The following SCEL variants were observed in gnomAD, a reference collection of about 807,000 sequenced individuals.
The protein encoded by SCEL is sciellin.
Under a neutral mutation model 117.6 loss-of-function variants are expected in SCEL, and 113 were observed. That is an observed-to-expected ratio of 0.96 (90% CI 0.83 to 1.12). The LOEUF is 1.12. Among genes scored for constraint, SCEL ranks in the 50% most tolerant of loss-of-function variants. SCEL has a pLI of 0.00. For synonymous variants in SCEL, 270 were observed against 256.2 expected, an observed-to-expected ratio of 1.05 and a Z score of -0.51; for missense variants, 785 against 810.8, an observed-to-expected ratio of 0.97 and a Z score of 0.39.
chr13:77,539,301 C>T (rs949647760), intron 1 of SCEL, among the ~76,000 whole-genome samples: 1 of 150,664 alleles, frequency 6.6e-6, no homozygotes, highest in Non-Finnish European at 1.5e-5. Context: ...TAGCATATTA[C>T]ATAATGGGAC....
chr13:77,561,823 T>C (rs541388567), intron 4 of SCEL, among the ~76,000 whole-genome samples: 22 of 152,264 alleles, frequency 1.4e-4, no homozygotes, highest in South Asian at 4.1e-4. Flanking sequence ...GCGATGATGC[T>C]TGAAGGATTA....
At position 77,610,038 on chromosome 13, in the gene SCEL, GT is replaced by G. The variant is rs2088522766; in HGVS notation, c.1278-4del. 6.2e-7 allele frequency: 1 copy of G among 1,602,084 alleles called. No homozygotes were observed. ...ATCTACCACTGATCTGATTTTCTATGTTTTTAAGGGGCCAAAGTCTCGACAG... is the reference window on the plus strand; with the variant it reads ...ATCTACCACTGATCTGATTTTCTATGTTTTAAGGGGCCAAAGTCTCGACAG... On this transcript the variant is annotated splice_polypyrimidine_tract_variant and splice_region_variant and intron_variant, in intron 21 of 32. Transcript: ENST00000349847.
At chr13:77,556,781 A>G in intron 3 of SCEL, 68 bp downstream of exon 3, 1 of 1,089,782 alleles carries the variant, frequency 9.2e-7, no homozygotes, top group Admixed American at 1.8e-5. Context: ...TTGGGAAGCT[A>G]ATGCTCATCT....
At chr13:77,581,736 G>A (rs1337317140) in intron 9 of SCEL, among the ~76,000 whole-genome samples, 1 of 152,156 alleles carries the variant, frequency 6.6e-6, no homozygotes, top group Non-Finnish European at 1.5e-5. Flanking sequence ...AGTATTGCTG[G>A]AAGTTCTATC....
chr13:77,564,640 A>G (rs1309026301), intron 5 of SCEL, among the ~76,000 whole-genome samples: 1 of 152,166 alleles, frequency 6.6e-6, no homozygotes, highest in African/African-American at 2.4e-5. Context: ...TAGGCACCAT[A>G]AGTACCCAAA....
intron 11 of SCEL, among the ~76,000 whole-genome samples, chr13:77,592,510 A>C (rs192625958): frequency 1.3e-5 from 2 of 151,412 alleles, no homozygotes; most frequent in East Asian, 3.9e-4. Flanking sequence ...ATGGAACCTT[A>C]TTAACCATCT....
Position 77,555,904 on chromosome 13 carries a change from C to T in SCEL, c.29C>T (p.Ser10Phe). The T allele has an allele frequency of 2.5e-6, 4 of 1,613,500 alleles. No homozygotes were observed. The highest frequency in any genetic ancestry group is 2.5e-6 in the Non-Finnish European group (3 of 1,179,558). ...TCCAATGTTACCTTGAGAAAAATGT[C>T]TCCCACAGGAAATGGTAATGTACAT... is the stretch of plus-strand genomic sequence containing the variant. MSNVTLRKM[S>F]PTGNEMKSTT... is the part of the protein sequence containing the mutation. Residue 10 changes from serine (S) to phenylalanine (F), a missense_variant, in exon 2 of 33, where the codon TCT (serine) becomes TTT (phenylalanine). By Grantham distance (155) the Ser-to-Phe change is radical. Coordinates refer to ENST00000349847, the MANE Select transcript of SCEL (RefSeq NM_144777.3).
intron 32 of SCEL, among the ~76,000 whole-genome samples, chr13:77,643,342 T>A (rs2090650554): frequency 6.6e-6 from 1 of 152,160 alleles, no homozygotes; most frequent in Non-Finnish European, 1.5e-5. Context: ...GAGAAAAGGA[T>A]ATTGAGGACC....
chr13:77,617,489 A>G, intron 24 of SCEL, 110 bp from the exon 25 acceptor site: 2 of 616,738 alleles, frequency 3.2e-6, no homozygotes, highest in South Asian at 4.8e-5. Flanking sequence ...ATAGTTAGTC[A>G]ATACTAAAAT....
At chr13:77,556,494 ATGCTGGCCAATCAGATG>A in intron 2 of SCEL, 85 bp from the exon 3 acceptor site, 1 of 912,676 alleles carries the variant, frequency 1.1e-6, no homozygotes, top group Non-Finnish European at 1.8e-6. Flanking sequence ...GCCCAGATTG[ATGCTGGCCAATCAGATG>A]TGCCTCTCAG....
intron 19 of SCEL, among the ~76,000 whole-genome samples, chr13:77,607,437 G>A (rs1297120118): frequency 2.0e-5 from 3 of 152,166 alleles, no homozygotes; most frequent in African/African-American, 7.2e-5. Context: ...TCAGAACTCT[G>A]TAGATTTTAA....
intron 19 of SCEL, among the ~76,000 whole-genome samples, chr13:77,604,957 G>T (rs1294416624): frequency 6.6e-6 from 1 of 151,996 alleles, no homozygotes; most frequent in Non-Finnish European, 1.5e-5. Flanking sequence ...TGGGATATTT[G>T]TGTGTAGTGT....
chr13:77,576,331 T>A (rs1267525767), intron 9 of SCEL, among the ~76,000 whole-genome samples: 1 of 152,170 alleles, frequency 6.6e-6, no homozygotes, highest in Non-Finnish European at 1.5e-5. Context: ...CACACTCTGC[T>A]GGATTTTCTT....
At chr13:77,570,967 G>GAGT (rs1489330645) in intron 8 of SCEL, among the ~76,000 whole-genome samples, 1 of 151,506 alleles carries the variant, frequency 6.6e-6, no homozygotes, top group Non-Finnish European at 1.5e-5. Context: ...GAGTAGTTGG[G>GAGT]AGTACAGGCA....
At chr13:77,582,957 A>G (rs1394649850) in intron 9 of SCEL, among the ~76,000 whole-genome samples, 1 of 152,200 alleles carries the variant, frequency 6.6e-6, no homozygotes, top group Non-Finnish European at 1.5e-5. Flanking sequence ...TCTTTGAGAA[A>G]ACATCTAAGG....
chr13:77,555,800 A>C, intron 1 of SCEL, 57 bp from the exon 2 acceptor site: 1 of 1,109,034 alleles, frequency 9.0e-7, no homozygotes, highest in Non-Finnish European at 1.4e-6. Context: ...TGAAACAGTC[A>C]CTTACAGGTT....
At chr13:77,603,035 T>C in intron 17 of SCEL, 41 bp from the exon 18 acceptor site, 1 of 1,120,970 alleles carries the variant, frequency 8.9e-7, no homozygotes, top group Non-Finnish European at 1.3e-6. Context: ...TCTAATATTA[T>C]GGGAATGTTT....
At position 77,631,506 on chromosome 13, in the gene SCEL, A is replaced by C. The variant is rs375335272; in HGVS notation, c.1692-2873A>C. ...TAGTTTAGTTCATAGTATGGTACAA[A>C]TATTAATTCTGTAGGTTTGACAGCT... On this transcript the variant is annotated intron_variant, in intron 28 of 32. Coordinates refer to ENST00000349847, the MANE Select transcript of SCEL (RefSeq NM_144777.3). Among the ~76,000 whole-genome samples the C allele has an allele frequency of 3.9e-5, 6 of 152,328 alleles. No homozygotes were observed. In the South Asian group the frequency reaches 1.2e-3, roughly 32 times the overall value.
intron 9 of SCEL, 43 bp from the exon 10 acceptor site, chr13:77,589,101 C>A: frequency 7.0e-7 from 1 of 1,424,016 alleles, no homozygotes; most frequent in Non-Finnish European, 9.9e-7. Context: ...TAAAATTTAC[C>A]ATGTTTCCAT....
Sources: gnomAD v4.1 joint callset for allele counts (sites outside exome capture counted in the v4.1 genomes callset) on GRCh38, gnomAD v4.1.1 for gene constraint, MANE v1.5 for transcripts, NCBI Gene and HGNC (gene_info 2026-07-23, HGNC 2026-07-21) for gene names.